LGMN: variants seen among roughly 807,000 people sequenced by gnomAD.
The protein encoded by LGMN is asparaginyl endopeptidase.
LGMN carries 36 observed loss-of-function variants against 56.8 expected under a neutral mutation model. The observed-to-expected ratio is 0.63, with a 90% CI of 0.49 to 0.84. The LOEUF (loss-of-function observed/expected upper bound fraction) is 0.84. LGMN is among the 40% of genes least tolerant of loss of function. The probability of loss-of-function intolerance (pLI) is 0.00; values close to 1 mark genes in which losing one functional copy is unlikely to be tolerated. For synonymous variants in LGMN, 199 were observed against 210.1 expected (o/e 0.95, Z 0.46); for missense variants, 446 against 556.1 (o/e 0.80, Z 1.99).
intron 2 of LGMN, among the ~76,000 whole-genome samples, chr14:92,722,577 C>G (rs1890533771): frequency 6.6e-6 from 1 of 152,108 alleles, no homozygotes. Flanking sequence ...GAGCAAGACT[C>G]TGTCTCAAAA....
At chr14:92,720,030 C>T (rs1240783876) in intron 2 of LGMN, among the ~76,000 whole-genome samples, 5 of 152,216 alleles carry the variant, frequency 3.3e-5, no homozygotes, top group African/African-American at 9.7e-5. Context: ...ATAAAACATG[C>T]AGACTGGCAC....
intron 1 of LGMN, among the ~76,000 whole-genome samples, chr14:92,745,492 A>G (rs1891776086): frequency 1.3e-5 from 2 of 152,214 alleles, no homozygotes; most frequent in Non-Finnish European, 2.9e-5. Context: ...TACAGACGAA[A>G]TTGTTCCTTC....
At chr14:92,743,973 G>A (rs1357103570) in intron 1 of LGMN, among the ~76,000 whole-genome samples, 1 of 151,464 alleles carries the variant, frequency 6.6e-6, no homozygotes, top group Non-Finnish European at 1.5e-5. Flanking sequence ...GGCGAACATG[G>A]TGAAACCCCG....
At chr14:92,732,923 G>A (rs1328713542) in intron 1 of LGMN, 108 bp from the exon 2 acceptor site, 3 of 785,426 alleles carry the variant, frequency 3.8e-6, no homozygotes. Flanking sequence ...GGCCGAGGAG[G>A]GTGGATCAAG....
chr14:92,745,955 G>C (rs1346283477), intron 1 of LGMN, among the ~76,000 whole-genome samples: 1 of 152,022 alleles, frequency 6.6e-6, no homozygotes, highest in Admixed American at 6.6e-5. Flanking sequence ...CCGAGTAGCT[G>C]GGATTACAGG....
At chr14:92,744,958 T>C (rs1385619840) in intron 1 of LGMN, among the ~76,000 whole-genome samples, 1 of 152,128 alleles carries the variant, frequency 6.6e-6, no homozygotes, top group Non-Finnish European at 1.5e-5. Context: ...AGTCAAAAAA[T>C]GTTTTTAATC....
At chr14:92,729,289 C>T (rs1022683506) in intron 2 of LGMN, among the ~76,000 whole-genome samples, 3 of 151,736 alleles carry the variant, frequency 2.0e-5, no homozygotes, top group African/African-American at 7.3e-5. Context: ...CTCTCTGGCA[C>T]TCATGCTTGG....
At chr14:92,717,303 G>T in intron 4 of LGMN, 77 bp downstream of exon 4, 1 of 907,898 alleles carries the variant, frequency 1.1e-6, no homozygotes, top group Non-Finnish European at 1.7e-6. Context: ...TCTGATTCTA[G>T]AAACAGAAGA....
At chr14:92,748,010 CTAAA>C (rs1374111351) in intron 1 of LGMN, among the ~76,000 whole-genome samples, 2 of 152,182 alleles carry the variant, frequency 1.3e-5, no homozygotes, top group Non-Finnish European at 2.9e-5. Flanking sequence ...CCTGACTTCT[CTAAA>C]TAGATGTCTT....
chr14:92,717,079 T>C (rs1431303364), intron 4 of LGMN, among the ~76,000 whole-genome samples: 1 of 152,194 alleles, frequency 6.6e-6, no homozygotes, highest in South Asian at 2.1e-4. Flanking sequence ...TAATCTATGA[T>C]CAGATTAATG....
rs192418153 is a variant in LGMN at position 92,725,597 on chromosome 14, A to G, written c.139-6753T>C. On this transcript the variant is annotated intron_variant, in intron 2 of 13. Transcript: ENST00000334869. ...TTTTCTTTTTCTTTTTTTTTTGGAG[A>G]CAGAGTCTCACTCTGTCACCCAGGC... 5.3e-5 allele frequency among the ~76,000 whole-genome samples: 8 copies of G among 151,248 alleles called. No homozygotes were observed. The East Asian group carries it at 1.4e-3, about 26-fold the overall frequency.
intron 2 of LGMN, among the ~76,000 whole-genome samples, chr14:92,720,564 G>A (rs1348975809): frequency 6.6e-6 from 1 of 152,240 alleles, no homozygotes; most frequent in African/African-American, 2.4e-5. Context: ...CTACTTGGGA[G>A]GCTGAGGTGG....
intron 12 of LGMN, 79 bp from the exon 13 acceptor site, chr14:92,704,786 G>C: frequency 9.0e-7 from 1 of 1,115,490 alleles, no homozygotes; most frequent in South Asian, 1.2e-5. Context: ...TTGCAGAGGG[G>C]AAGCATCTTG....
chr14:92,713,776 TC>T, intron 7 of LGMN, 46 bp downstream of exon 7: 1 of 1,380,856 alleles, frequency 7.2e-7, no homozygotes, highest in Non-Finnish European at 1.0e-6. Flanking sequence ...CTCACGGCTT[TC>T]CTCACACCCC....
At chr14:92,731,347 G>C (rs1405259152) in intron 2 of LGMN, among the ~76,000 whole-genome samples, 1 of 152,226 alleles carries the variant, frequency 6.6e-6, no homozygotes, top group African/African-American at 2.4e-5. Context: ...TTCTAAAACA[G>C]ACGATTCAGT....
rs185141668 is a variant in LGMN at position 92,711,777 on chromosome 14, T to G, written c.730-29A>C. The G allele has an allele frequency of 3.7e-6, 6 of 1,612,350 alleles. No individual in the cohort carries two copies. In the East Asian group the frequency reaches 1.3e-4, roughly 36 times the overall value. ...CAAAAAGTGAGACCATTAGAGACCTTTGACAATCAGAGTCTGACGGTTAAA... is the reference window on the plus strand; with the variant it reads ...CAAAAAGTGAGACCATTAGAGACCTGTGACAATCAGAGTCTGACGGTTAAA... On this transcript the variant is annotated intron_variant, in intron 9 of 13. Transcript: ENST00000334869.
At chr14:92,734,078 G>T (rs1891185995) in intron 1 of LGMN, among the ~76,000 whole-genome samples, 1 of 152,196 alleles carries the variant, frequency 6.6e-6, no homozygotes, top group Admixed American at 6.5e-5. Flanking sequence ...GAACTATCTG[G>T]ATGAGCTATA....
Position 92,709,708 on chromosome 14 carries a change from G to C in LGMN, c.984C>G (p.Ser328=). ...GCTGGATCTCCTCCGTGAGCTGCCT[G>C]GACTCCTCCAGATCATTGGTGTTCA... ...KLMNTNDLEE[S]RQLTEEIQRH... is the part of the protein sequence containing the mutation. The change falls in exon 11 of 14, where the codon TCC becomes TCG. Residue 328 remains serine (S), a synonymous_variant. Coordinates refer to ENST00000334869, the MANE Select transcript of LGMN (RefSeq NM_005606.7). The C allele has an allele frequency of 2.5e-6, 4 of 1,613,814 alleles. No homozygotes were observed. Among genetic ancestry groups the C allele is most frequent in the Non-Finnish European group, 3.4e-6 (4 of 1,179,890 alleles).
intron 1 of LGMN, among the ~76,000 whole-genome samples, chr14:92,740,185 T>C (rs999073375): frequency 6.6e-6 from 1 of 151,976 alleles, no homozygotes; most frequent in African/African-American, 2.4e-5. Context: ...GAGGCAGAGG[T>C]TGCAGTGAGG....
Sources: allele counts gnomAD v4.1 joint callset (sites outside exome capture counted in the v4.1 genomes callset), GRCh38; gene constraint gnomAD v4.1.1; transcripts MANE v1.5; gene names NCBI Gene and HGNC (gene_info 2026-07-23, HGNC 2026-07-21).